CAPZA1: variants seen among roughly 807,000 people sequenced by gnomAD.
CAPZA1 encodes the protein F-actin-capping protein subunit alpha-1.
CAPZA1 carries 10 observed loss-of-function variants against 40.8 expected under a neutral mutation model. The observed-to-expected ratio is 0.25, with a 90% confidence interval of 0.15 to 0.42. CAPZA1 has a LOEUF of 0.42. CAPZA1 is among the 10% of genes least tolerant of loss of function. The probability of loss-of-function intolerance (pLI) is 1.00; values close to 1 mark genes in which losing one functional copy is unlikely to be tolerated. For synonymous variants in CAPZA1, 98 were observed against 115.0 expected, an observed-to-expected ratio of 0.85 and a Z score of 0.95; for missense variants, 277 against 353.8, an observed-to-expected ratio of 0.78 and a Z score of 1.74.
rs200171825 is a variant in CAPZA1, at chr1:112,670,180, G to C, written c.*48G>C. 4.4e-6 allele frequency: 7 copies of C among 1,600,950 alleles called. No homozygotes were observed. The highest frequency in any genetic ancestry group is 2.7e-5 in the African/African-American group (2 of 74,512). The stretch of plus-strand genomic sequence containing the variant: ...GTATGTGGAAAGACAAGGATTCAAC[G>C]TGTGGTCATATGATAAATAAGTGAT... On this transcript the variant is annotated 3_prime_UTR_variant, in exon 10 of 10. Coordinates refer to ENST00000263168, the MANE Select transcript of CAPZA1 (RefSeq NM_006135.3).
intron 1 of CAPZA1, among the ~76,000 whole-genome samples, chr1:112,625,706 G>T (rs1026054312): frequency 1.3e-5 from 2 of 152,188 alleles, no homozygotes; most frequent in African/African-American, 4.8e-5. Context: ...AGGACTTTCA[G>T]CTTCCCACCC....
chr1:112,635,008 T>G (rs1670988230), intron 1 of CAPZA1, among the ~76,000 whole-genome samples: 1 of 152,190 alleles, frequency 6.6e-6, no homozygotes, highest in African/African-American at 2.4e-5. Flanking sequence ...GCCTGCCATG[T>G]GTAATTTAAT....
chr1:112,621,907 G>A (rs758572338), intron 1 of CAPZA1, among the ~76,000 whole-genome samples: 6 of 151,232 alleles, frequency 4.0e-5, no homozygotes, highest in Non-Finnish European at 7.4e-5. Context: ...GATTACAGGC[G>A]CCCGCCACCA....
Position 112,654,662 on chromosome 1 carries a change from C to G in CAPZA1, c.417C>G (p.Gly139=). Residue 139 remains glycine, a synonymous_variant, in exon 5 of 10, where the codon GGC becomes GGG. Coordinates refer to ENST00000263168, the MANE Select transcript of CAPZA1 (RefSeq NM_006135.3). ...RAYVKDHYSN[G]FCTVYAKTID... is the part of the protein sequence containing the mutation. ...ATGTGAAAGACCATTATTCCAACGG[C>G]TTCTGTACTGTTAAGTATCTGACTG... 3.1e-6 allele frequency: 5 copies of G among 1,605,424 alleles called. No homozygotes were observed. The highest frequency in any genetic ancestry group is 4.3e-6 in the Non-Finnish European group (5 of 1,174,538).
chr1:112,627,834 C>A (rs1570700294), intron 1 of CAPZA1, among the ~76,000 whole-genome samples: 1 of 151,644 alleles, frequency 6.6e-6, no homozygotes, highest in East Asian at 2.0e-4. Context: ...ATGGCGCATG[C>A]CTGTAATCCC....
chr1:112,670,255 T>G lies in CAPZA1; in HGVS notation c.*123T>G, dbSNP rs1245540829. 3 of 1,077,074 alleles carry G rather than the reference T, an allele frequency of 2.8e-6. No individual in the cohort carries two copies. The highest frequency in any genetic ancestry group is 4.1e-6 in the Non-Finnish European group (3 of 737,620). 66.7% of individuals were successfully genotyped at this position (1,077,074 alleles called of 1,614,324 possible). On this transcript the variant is annotated 3_prime_UTR_variant, in exon 10 of 10. Coordinates refer to ENST00000263168, the MANE Select transcript of CAPZA1 (RefSeq NM_006135.3). ...TAGGGCTTTCAAAGTTAACCGGTTT[T>G]CTAGCCTCATGGAATACTGTTGAAC...
In CAPZA1 at chr1:112,636,571, C is replaced by T. The variant is rs1671023819; in HGVS notation, c.40-10639C>T. ...TAGTGTAGATACTATCTGATGAATA[C>T]AGTGTGTAGTGAAACTGTTACTTTA... On this transcript the variant is annotated intron_variant, in intron 1 of 9. Transcript: ENST00000263168. Among the ~76,000 whole-genome samples the T allele has an allele frequency of 7.3e-5, 11 of 151,454 alleles. No homozygotes were observed. In the South Asian group the frequency reaches 2.3e-3, roughly 32 times the overall value.
chr1:112,662,166 G>A (rs1235101067), intron 7 of CAPZA1, among the ~76,000 whole-genome samples: 1 of 152,070 alleles, frequency 6.6e-6, no homozygotes, highest in Non-Finnish European at 1.5e-5. Context: ...CTGGAGTGCA[G>A]TGGTGCTTTC....
At chr1:112,625,295 A>T (rs1441141525) in intron 1 of CAPZA1, among the ~76,000 whole-genome samples, 4 of 152,072 alleles carry the variant, frequency 2.6e-5, no homozygotes, top group African/African-American at 9.7e-5. Context: ...TACCAAAATG[A>T]TGGTGTATAT....
chr1:112,625,535 A>C (rs1670788892), intron 1 of CAPZA1, among the ~76,000 whole-genome samples: 1 of 152,232 alleles, frequency 6.6e-6, no homozygotes, highest in Admixed American at 6.5e-5. Flanking sequence ...TATTCTTTCC[A>C]ACTGGATTTG....
chr1:112,641,078 A>ACGCTGCGGAAGGC (rs1671147013), intron 1 of CAPZA1, among the ~76,000 whole-genome samples: 1 of 152,152 alleles, frequency 6.6e-6, no homozygotes, highest in African/African-American at 2.4e-5. Context: ...AGGGACACAA[A>ACGCTGCGGAAGGC]CGCTGCGGAA....
chr1:112,669,148 T>C (rs543766033), intron 8 of CAPZA1, among the ~76,000 whole-genome samples: 9 of 152,324 alleles, frequency 5.9e-5, no homozygotes, highest in African/African-American at 1.9e-4. Flanking sequence ...AAGGGCATTG[T>C]TCATACCATT....
At chr1:112,640,780 G>A (rs1016226275) in intron 1 of CAPZA1, among the ~76,000 whole-genome samples, 9 of 152,270 alleles carry the variant, frequency 5.9e-5, no homozygotes, top group African/African-American at 2.2e-4. Flanking sequence ...GGAATAGAGA[G>A]GGGAGAAAGG....
At chr1:112,652,763 T>C (rs1671419426) in intron 3 of CAPZA1, among the ~76,000 whole-genome samples, 1 of 152,224 alleles carries the variant, frequency 6.6e-6, no homozygotes, top group Non-Finnish European at 1.5e-5. Flanking sequence ...TGATACTTTT[T>C]AAGAATATAA....
At chr1:112,652,689 T>G (rs1671417795) in intron 3 of CAPZA1, among the ~76,000 whole-genome samples, 1 of 151,020 alleles carries the variant, frequency 6.6e-6, no homozygotes, top group Non-Finnish European at 1.5e-5. Context: ...CTGTCTGACA[T>G]GGGGAAAAAA....
intron 1 of CAPZA1, among the ~76,000 whole-genome samples, chr1:112,624,267 G>A (rs1438497394): frequency 6.6e-6 from 1 of 151,858 alleles, no homozygotes; most frequent in Non-Finnish European, 1.5e-5. Context: ...TTCCATATAG[G>A]TATGAATGAA....
Position 112,654,534 on chromosome 1 carries a change from A to C in CAPZA1, c.289A>C (p.Lys97Gln). The C allele has an allele frequency of 6.2e-7, 1 of 1,614,080 alleles. No individual in the cohort carries two copies. Among genetic ancestry groups the C allele is most frequent in the Non-Finnish European group, 8.5e-7 (1 of 1,179,962 alleles). Reference sequence around the variant, plus strand: ...AGATCCAAGAAACAAAATTTCCTTTAAATTTGACCACTTACGGAAAGAAGC... The same window carrying C: ...AGATCCAAGAAACAAAATTTCCTTTCAATTTGACCACTTACGGAAAGAAGC... ...FLDPRNKISF[K>Q]FDHLRKEASD... is the part of the protein sequence containing the mutation. The change falls in exon 5 of 10, where the codon AAA (lysine) becomes CAA (glutamine). Residue 97 changes from lysine (K) to glutamine (Q), a missense_variant. This residue lies in a region of CAPZA1 where 192 missense variants were observed against 277.2 expected (regional missense o/e 0.69). Coordinates refer to ENST00000263168, the MANE Select transcript of CAPZA1 (RefSeq NM_006135.3).
intron 1 of CAPZA1, among the ~76,000 whole-genome samples, chr1:112,638,991 A>G: frequency 7.0e-6 from 1 of 143,862 alleles, no homozygotes; most frequent in East Asian, 2.0e-4. Flanking sequence ...TATATAATAT[A>G]TAATTATATA....
chr1:112,668,692 A>G lies in CAPZA1; in HGVS notation c.658-851A>G, dbSNP rs564878230. On this transcript the variant is annotated intron_variant, in intron 8 of 9. Coordinates refer to ENST00000263168, the MANE Select transcript of CAPZA1 (RefSeq NM_006135.3). The stretch of plus-strand genomic sequence containing the variant: ...GTAGAGACAGGGTTTCACCATGTTG[A>G]CCAGGCTTGTCTTGAACTCCTGACC... 7.9e-5 allele frequency among the ~76,000 whole-genome samples: 12 copies of G among 151,992 alleles called. No individual in the cohort carries two copies. The East Asian group carries it at 1.6e-3, about 20-fold the overall frequency.
Sources: gnomAD v4.1 joint callset for allele counts (sites outside exome capture counted in the v4.1 genomes callset) on GRCh38, gnomAD v4.1.1 for gene constraint, gnomAD v4.1.1 regional missense constraint, MANE v1.5 for transcripts, NCBI Gene and HGNC (gene_info 2026-07-23, HGNC 2026-07-21) for gene names.